Variants in SOX6 observed in about 807,000 individuals in gnomAD.
SOX6 encodes the protein SRY-box transcription factor 6.
In SOX6, 11 loss-of-function variants were observed where a neutral mutation model predicts 97.8. The observed-to-expected ratio is 0.11, with a 90% confidence interval of 0.07 to 0.19. The LOEUF (loss-of-function observed/expected upper bound fraction) is 0.19, where lower values mean the gene tolerates loss of function less well. Ranked by LOEUF, SOX6 falls within the 10% of genes least tolerant of loss-of-function variation. The pLI is 1.00. For synonymous variants in SOX6, 360 were observed against 371.4 expected (o/e 0.97, Z 0.35); for missense variants, 810 against 1,039.5 (o/e 0.78, Z 3.04).
At chr11:16,297,941 T>C (rs1157092950) in intron 3 of SOX6, among the ~76,000 whole-genome samples, 1 of 152,192 alleles carries the variant, frequency 6.6e-6, no homozygotes, top group Non-Finnish European at 1.5e-5. Flanking sequence ...TTAGGACCAC[T>C]GGGTTTCAAA....
At chr11:16,510,980 TA>T (rs1449804911) in intron 4 of SOX6, among the ~76,000 whole-genome samples, 4 of 151,656 alleles carry the variant, frequency 2.6e-5, no homozygotes, top group African/African-American at 9.7e-5. Context: ...TCTTGTTGAA[TA>T]AAAAAAATCA....
chr11:16,532,406 A>C (rs1429487891), intron 4 of SOX6, among the ~76,000 whole-genome samples: 1 of 151,936 alleles, frequency 6.6e-6, no homozygotes, highest in Non-Finnish European at 1.5e-5. Flanking sequence ...CTCTAAATTA[A>C]TTCTTCAGAA....
chr11:16,631,539 T>C (rs898312111), intron 3 of SOX6, among the ~76,000 whole-genome samples: 13 of 152,198 alleles, frequency 8.5e-5, no homozygotes, highest in African/African-American at 2.9e-4. Context: ...CCTTGGACAG[T>C]CTGGTGACAA....
At chr11:16,020,712 A>T (rs1855030999) in intron 12 of SOX6, among the ~76,000 whole-genome samples, 1 of 152,158 alleles carries the variant, frequency 6.6e-6, no homozygotes, top group Non-Finnish European at 1.5e-5. Context: ...CTATACAAAA[A>T]GTCTTAGTTT....
intron 3 of SOX6, among the ~76,000 whole-genome samples, chr11:16,614,369 G>A (rs916398726): frequency 9.9e-5 from 15 of 152,160 alleles, no homozygotes; most frequent in Non-Finnish European, 1.6e-4. Context: ...AGGTCTCCGA[G>A]ACGAGAATTG....
chr11:16,724,773 CTCA>C (rs1468742994), intron 2 of SOX6, among the ~76,000 whole-genome samples: 1 of 152,160 alleles, frequency 6.6e-6, no homozygotes, highest in African/African-American at 2.4e-5. Flanking sequence ...TTTTGCACAT[CTCA>C]TCTTTTGTCA....
chr11:15,985,478 T>A lies in SOX6; in HGVS notation c.2183+726A>T, dbSNP rs192790883. ...ACCCTGCTGTGCTTCTAGGTCTGGG[T>A]ATGCTGGAATCTACAGTCATCTGCA... is the stretch of plus-strand genomic sequence containing the variant. On this transcript the variant is annotated intron_variant, in intron 15 of 15. Transcript: ENST00000683767. 1.4e-3 allele frequency among the ~76,000 whole-genome samples: 212 copies of A among 152,276 alleles called. 2 individuals are homozygous for A. The highest frequency in any genetic ancestry group is 4.9e-3 in the African/African-American group (205 of 41,566).
At chr11:16,603,802 T>C (rs1426283539) in intron 4 of SOX6, among the ~76,000 whole-genome samples, 3 of 151,578 alleles carry the variant, frequency 2.0e-5, no homozygotes, top group South Asian at 4.2e-4. Context: ...GAAGATAAAA[T>C]AGGAAGAGAA....
At chr11:16,161,537 C>A (rs933446999) in intron 6 of SOX6, among the ~76,000 whole-genome samples, 1 of 151,972 alleles carries the variant, frequency 6.6e-6, no homozygotes, top group African/African-American at 2.4e-5. Context: ...ATCCAATGCA[C>A]ATTCTGAAAA....
At chr11:16,391,104 A>G (rs1405941726) in intron 1 of SOX6, among the ~76,000 whole-genome samples, 1 of 152,206 alleles carries the variant, frequency 6.6e-6, no homozygotes, top group Non-Finnish European at 1.5e-5. Context: ...AGAAAACTAA[A>G]CACCACATGT....
intron 9 of SOX6, among the ~76,000 whole-genome samples, chr11:16,072,916 A>G (rs1590177189): frequency 6.6e-6 from 1 of 152,222 alleles, no homozygotes; most frequent in Middle Eastern, 3.2e-3. Context: ...TATTACCAGC[A>G]GACCTGCCTT....
intron 2 of SOX6, among the ~76,000 whole-genome samples, chr11:16,731,265 T>C (rs1028770812): frequency 6.6e-6 from 1 of 152,136 alleles, no homozygotes; most frequent in Non-Finnish European, 1.5e-5. Flanking sequence ...ATTATCCTGA[T>C]ACCAAAACCT....
intron 1 of SOX6, among the ~76,000 whole-genome samples, chr11:16,365,260 T>C (rs1857325256): frequency 1.3e-5 from 2 of 151,224 alleles, no homozygotes; most frequent in African/African-American, 4.9e-5. Context: ...TTGAAACACA[T>C]CCCCATCAGA....
At chr11:16,165,812 C>T (rs1262137113) in intron 6 of SOX6, among the ~76,000 whole-genome samples, 1 of 151,640 alleles carries the variant, frequency 6.6e-6, no homozygotes, top group Admixed American at 6.6e-5. Flanking sequence ...ACATGAGAAT[C>T]GCTTGAACCT....
At chr11:16,730,676 A>C (rs1590067720) in intron 2 of SOX6, among the ~76,000 whole-genome samples, 1 of 152,304 alleles carries the variant, frequency 6.6e-6, no homozygotes, top group Non-Finnish European at 1.5e-5. Context: ...TAATATCACA[A>C]TTAAAAGAAC....
At chr11:16,342,063 A>G (rs760691812) in intron 1 of SOX6, among the ~76,000 whole-genome samples, 1 of 152,064 alleles carries the variant, frequency 6.6e-6, no homozygotes, top group Non-Finnish European at 1.5e-5. Flanking sequence ...CCTACTGTGC[A>G]TAATATTTAA....
chr11:16,000,570 G>A (rs1397753871), intron 13 of SOX6, among the ~76,000 whole-genome samples: 1 of 150,010 alleles, frequency 6.7e-6, no homozygotes, highest in Non-Finnish European at 1.5e-5. Flanking sequence ...GAATGTTGAG[G>A]AAAACCATAA....
intron 3 of SOX6, among the ~76,000 whole-genome samples, chr11:16,678,506 G>T (rs1014340793): frequency 4.0e-5 from 6 of 151,764 alleles, no homozygotes; most frequent in African/African-American, 1.5e-4. Context: ...AATAGGAACA[G>T]CTCCAGTCTG....
At position 16,654,615 on chromosome 11, in the gene SOX6, T is replaced by A. The variant is rs142323479; in HGVS notation, n.430-42355A>T. Among the ~76,000 whole-genome samples, 961 of 152,236 alleles carry A rather than the reference T, an allele frequency of 6.3e-3. 4 individuals carry two copies. The highest frequency in any genetic ancestry group is 0.021 in the African/African-American group (866 of 41,536). The stretch of plus-strand genomic sequence containing the variant: ...CTGTCATCACTCTTGACTGATGGCA[T>A]AAAACTAAGAATAAAATTCTAGGCT... On this transcript the variant is annotated intron_variant and non_coding_transcript_variant, in intron 3 of 5. Coordinates refer to the SOX6 transcript ENST00000524520.
Sources: allele counts gnomAD v4.1 joint callset (sites outside exome capture counted in the v4.1 genomes callset), GRCh38; gene constraint gnomAD v4.1.1; transcripts MANE v1.5; gene names NCBI Gene and HGNC (gene_info 2026-07-23, HGNC 2026-07-21).